FRMD5: variants seen among roughly 807,000 people sequenced by gnomAD.
The protein encoded by FRMD5 is FERM domain-containing protein 5.
FRMD5 carries 20 observed loss-of-function variants against 69.0 expected under a neutral mutation model. The observed-to-expected ratio is 0.29, with a 90% CI of 0.20 to 0.42. The LOEUF is 0.42. FRMD5 is among the 10% of genes least tolerant of loss of function. FRMD5 has a pLI of 1.00. For missense variants in FRMD5, 595 were observed against 708.6 expected, an observed-to-expected ratio of 0.84 and a Z score of 1.82; for synonymous variants, 271 against 260.1, an observed-to-expected ratio of 1.04 and a Z score of -0.40.
chr15:44,045,586 GATTT>G (rs1892391132), intron 1 of FRMD5, among the ~76,000 whole-genome samples: 1 of 152,124 alleles, frequency 6.6e-6, no homozygotes, highest in Non-Finnish European at 1.5e-5. Flanking sequence ...AAGATCAGAT[GATTT>G]ATTAAGAAAT....
At chr15:43,910,514 G>T (rs2140419959) in intron 4 of FRMD5, among the ~76,000 whole-genome samples, 1 of 142,902 alleles carries the variant, frequency 7.0e-6, no homozygotes, top group Middle Eastern at 3.8e-3. Context: ...AGTGTAAGAA[G>T]AGTGAGCCGA....
intron 1 of FRMD5, among the ~76,000 whole-genome samples, chr15:44,013,067 A>G (rs539304833): frequency 3.3e-5 from 5 of 152,192 alleles, no homozygotes; most frequent in Admixed American, 3.3e-4. Context: ...CGCCCCGCCT[A>G]TTGTATCTTA....
At chr15:43,957,237 C>G (rs944936181) in intron 1 of FRMD5, among the ~76,000 whole-genome samples, 1 of 151,808 alleles carries the variant, frequency 6.6e-6, no homozygotes, top group African/African-American at 2.4e-5. Flanking sequence ...GCTCTGTCAC[C>G]CAGGCTGGAG....
In FRMD5 at chr15:44,037,130, T is replaced by A. The variant is rs568624608; in HGVS notation, c.103-112821A>T. ...TAGGTATTTCTCCTAATGCTATCCC[T>A]CCCCTAGCTCCCCCAACCCCCGACA... is the stretch of plus-strand genomic sequence containing the variant. On this transcript the variant is annotated intron_variant, in intron 1 of 13. Coordinates refer to ENST00000417257, the MANE Select transcript of FRMD5 (RefSeq NM_032892.5). 2.0e-5 allele frequency among the ~76,000 whole-genome samples: 3 copies of A among 152,166 alleles called. No homozygotes were observed. In the South Asian group the frequency reaches 6.2e-4, roughly 32 times the overall value.
chr15:44,121,055 G>A (rs2076942766), intron 1 of FRMD5, among the ~76,000 whole-genome samples: 1 of 152,050 alleles, frequency 6.6e-6, no homozygotes, highest in African/African-American at 2.4e-5. Flanking sequence ...AGTGAGAAAT[G>A]AGAAGTTCAA....
intron 1 of FRMD5, among the ~76,000 whole-genome samples, chr15:44,172,542 A>G (rs564929443): frequency 6.6e-6 from 1 of 152,282 alleles, no homozygotes; most frequent in African/African-American, 2.4e-5. Flanking sequence ...CTTTGCTTTA[A>G]TTTAGAATTC....
intron 1 of FRMD5, among the ~76,000 whole-genome samples, chr15:44,168,321 C>A (rs553428003): frequency 5.1e-4 from 77 of 152,248 alleles, no homozygotes; most frequent in African/African-American, 1.7e-3. Flanking sequence ...TTAAAAATTG[C>A]TCTTAAAGTC....
intron 1 of FRMD5, among the ~76,000 whole-genome samples, chr15:44,065,123 A>G (rs538950056): frequency 6.6e-6 from 1 of 152,356 alleles, no homozygotes; most frequent in African/African-American, 2.4e-5. Context: ...TTTAAGTCCC[A>G]TTTCTTCCTT....
In FRMD5 at chr15:43,905,851, A is replaced by G. The variant is rs2306674; in HGVS notation, c.528T>C (p.Ala176=). 121,987 of 1,613,180 alleles carry G rather than the reference A, an allele frequency of 0.076. 9,726 individuals carry two copies. The highest frequency in any genetic ancestry group is 0.36 in the African/African-American group (26,924 of 74,966). Reference sequence around the variant, plus strand: ...ACCTCAGTTCCGTCTTGTGAATCTCAGCAATTTTCCTTTCCAGCTTCTCTG... The same window carrying G: ...ACCTCAGTTCCGTCTTGTGAATCTCGGCAATTTTCCTTTCCAGCTTCTCTG... The part of the protein sequence containing the change: ...KHSEKLERKI[A]EIHKTELSGQ... Residue 176 remains alanine, a synonymous_variant, in exon 6 of 14, where the codon GCT becomes GCC. Coordinates refer to ENST00000417257, the MANE Select transcript of FRMD5 (RefSeq NM_032892.5).
intron 13 of FRMD5, chr15:43,876,292 C>T (rs748592713): frequency 2.0e-5 from 25 of 1,261,448 alleles, no homozygotes; most frequent in Non-Finnish European, 2.8e-5. Flanking sequence ...GGTTTTTACC[C>T]CAGTTTGAAA....
At chr15:43,999,184 C>G (rs558704726) in intron 1 of FRMD5, among the ~76,000 whole-genome samples, 15 of 152,234 alleles carry the variant, frequency 9.9e-5, no homozygotes, top group African/African-American at 2.9e-4. Context: ...TCTCCTGCCT[C>G]AGCTTCCTGA....
intron 1 of FRMD5, chr15:43,989,008 C>A (rs146312036): frequency 6.5e-6 from 5 of 772,088 alleles, no homozygotes; most frequent in Non-Finnish European, 1.1e-5. Flanking sequence ...TTGTTTTCTG[C>A]GCAAGTTAGG....
intron 1 of FRMD5, among the ~76,000 whole-genome samples, chr15:43,928,529 A>G (rs1321723466): frequency 6.6e-6 from 1 of 152,174 alleles, no homozygotes; most frequent in African/African-American, 2.4e-5. Context: ...TGGGCTCCCT[A>G]CAAGCCAACG....
In FRMD5 at chr15:44,153,118, T is replaced by C. The variant is rs181651798; in HGVS notation, c.102+41835A>G. ...CTCTTATGCACTATTGGTGGGACTA[T>C]AAAATGGTACAGCCACTATAGAAAA... On this transcript the variant is annotated intron_variant, in intron 1 of 13. Transcript: ENST00000417257. Among the ~76,000 whole-genome samples the C allele has an allele frequency of 9.9e-5, 15 of 152,264 alleles. No homozygotes were observed. The East Asian group carries it at 2.9e-3, about 29-fold the overall frequency.
intron 1 of FRMD5, among the ~76,000 whole-genome samples, chr15:43,937,699 G>A (rs1417318476): frequency 1.3e-5 from 2 of 151,906 alleles, no homozygotes; most frequent in African/African-American, 4.8e-5. Flanking sequence ...AAAAGAGGGG[G>A]AGAAAGCTGG....
intron 1 of FRMD5, among the ~76,000 whole-genome samples, chr15:44,185,510 G>C (rs1277481644): frequency 6.6e-6 from 1 of 152,130 alleles, no homozygotes; most frequent in Non-Finnish European, 1.5e-5. Context: ...CTAGAGGCAA[G>C]GCCAGGCATG....
chr15:43,938,045 C>G (rs996418313), intron 1 of FRMD5, among the ~76,000 whole-genome samples: 4 of 151,912 alleles, frequency 2.6e-5, no homozygotes, highest in African/African-American at 9.7e-5. Context: ...TCCTGGCTAA[C>G]ACGGTGAAAC....
chr15:44,150,378 G>A (rs141302510), intron 1 of FRMD5, among the ~76,000 whole-genome samples: 3 of 149,226 alleles, frequency 2.0e-5, no homozygotes, highest in Non-Finnish European at 3.0e-5. Flanking sequence ...GTTTACTGAC[G>A]ATATATAATG....
chr15:44,144,898 C>G (rs2077332914), intron 1 of FRMD5, among the ~76,000 whole-genome samples: 1 of 152,124 alleles, frequency 6.6e-6, no homozygotes, highest in South Asian at 2.1e-4. Flanking sequence ...AAAGCTGGTC[C>G]TAAGTGCAGG....
Sources: gnomAD v4.1 joint callset for allele counts (sites outside exome capture counted in the v4.1 genomes callset) on GRCh38, gnomAD v4.1.1 for gene constraint, MANE v1.5 for transcripts, NCBI Gene and HGNC (gene_info 2026-07-23, HGNC 2026-07-21) for gene names.